The following IGF2R variants were observed in gnomAD, a reference collection of about 807,000 sequenced individuals.
IGF2R encodes the protein insulin like growth factor 2 receptor, also known as cation-independent mannose-6-phosphate receptor.
A neutral mutation model predicts 270.6 loss-of-function variants in IGF2R; 91 were observed. The observed-to-expected ratio is 0.34, with a 90% CI of 0.28 to 0.40. The LOEUF (loss-of-function observed/expected upper bound fraction) is 0.40, where lower values mean the gene tolerates loss of function less well. Among genes scored for constraint, IGF2R ranks in the 10% least tolerant of loss-of-function variants. IGF2R has a pLI of 1.00. For missense variants in IGF2R, 2,805 were observed against 3,188.3 expected (o/e 0.88, Z 2.90); for synonymous variants, 1,316 against 1,258.9 (o/e 1.05, Z -0.96).
At chr6:160,032,528 T>C (rs1777719719) in intron 7 of IGF2R, 23 bp from the exon 8 acceptor site, 2 of 1,602,758 alleles carry the variant, frequency 1.2e-6, no homozygotes, top group Admixed American at 1.7e-5. Context: ...TTTATTTTGC[T>C]TCTTTCACAT....
chr6:159,989,066 G>GTA (rs1256052082), intron 1 of IGF2R, among the ~76,000 whole-genome samples: 1 of 152,066 alleles, frequency 6.6e-6, no homozygotes, highest in Non-Finnish European at 1.5e-5. Context: ...TACCCCGAGG[G>GTA]TATCACCCTA....
intron 3 of IGF2R, 162 bp from the exon 4 acceptor site, chr6:160,010,525 G>T (rs1011473408): frequency 1.9e-6 from 1 of 525,942 alleles, no homozygotes; most frequent in Admixed American, 3.3e-5. Context: ...TTGCAGATTT[G>T]GGAACCTCTT....
intron 23 of IGF2R, among the ~76,000 whole-genome samples, chr6:160,061,077 C>G (rs778432582): frequency 6.6e-6 from 1 of 152,164 alleles, no homozygotes; most frequent in East Asian, 1.9e-4. Context: ...TAAGCTGTGC[C>G]CTGGAAGCTG....
At chr6:159,984,369 T>C (rs1783848878) in intron 1 of IGF2R, among the ~76,000 whole-genome samples, 1 of 152,002 alleles carries the variant, frequency 6.6e-6, no homozygotes, top group Non-Finnish European at 1.5e-5. Context: ...ACGAACCCAC[T>C]GCGCTACCAG....
intron 2 of IGF2R, among the ~76,000 whole-genome samples, chr6:160,002,086 G>A (rs930891955): frequency 6.6e-6 from 1 of 152,120 alleles, no homozygotes; most frequent in African/African-American, 2.4e-5. Flanking sequence ...TAAGCTAAAG[G>A]AAAGAAAATA....
chr6:160,010,844 T>C lies in IGF2R; in HGVS notation c.513+59T>C, dbSNP rs894041365. On this transcript the variant is annotated intron_variant, in intron 4 of 47. Coordinates refer to ENST00000356956, the MANE Select transcript of IGF2R (RefSeq NM_000876.4). ...AGTATACTCTGGGGAACTTTATCTT[T>C]CAAATACTGATTCTAACCTTTCCGG... 35 of 1,000,450 alleles carry C rather than the reference T, an allele frequency of 3.5e-5. No homozygotes were observed. In the African/African-American group the frequency reaches 5.5e-4, roughly 16 times the overall value. The allele number at this position is 1,000,450 out of a possible 1,614,324, so 62.0% of individuals were successfully genotyped here.
chr6:159,994,100 G>C (rs963348071), intron 2 of IGF2R, among the ~76,000 whole-genome samples: 1 of 141,612 alleles, frequency 7.1e-6, no homozygotes, highest in Admixed American at 7.5e-5. Flanking sequence ...GCTTTTTCTT[G>C]GGAGATTTTT....
intron 11 of IGF2R, among the ~76,000 whole-genome samples, chr6:160,042,578 C>G (rs780583459): frequency 1.2e-4 from 19 of 152,202 alleles, no homozygotes; most frequent in Admixed American, 8.5e-4. Context: ...TAATCAGTGT[C>G]TGATCACACT....
At position 160,102,612 on chromosome 6, in the gene IGF2R, G is replaced by A; in HGVS notation, c.6936G>A (p.Leu2312=). 2 of 1,613,436 alleles carry A rather than the reference G, an allele frequency of 1.2e-6. No homozygotes were observed. The highest frequency in any genetic ancestry group is 1.7e-6 in the Non-Finnish European group (2 of 1,179,602). ...RSQAVGAVLS[L]LLVALTCCLL... is the part of the protein sequence containing the mutation. ...AGGCAGTCGGCGCGGTGCTCAGCCT[G>A]CTGCTGGTGGCGCTCACCTGCTGCC... The change falls in exon 46 of 48, where the codon CTG becomes CTA. Residue 2312 remains leucine, a synonymous_variant. Transcript: ENST00000356956. This position sits in a 1 kb window ranked among gnomAD's most constrained non-coding sequence, Gnocchi z 4.5.
At chr6:159,973,955 T>C (rs984576929) in intron 1 of IGF2R, among the ~76,000 whole-genome samples, 1 of 152,224 alleles carries the variant, frequency 6.6e-6, no homozygotes, top group South Asian at 2.1e-4. Context: ...TTTTTCTTCC[T>C]CCTTTTCTTC....
chr6:160,064,577 C>G, intron 28 of IGF2R, 46 bp downstream of exon 28: 2 of 1,602,842 alleles, frequency 1.2e-6, no homozygotes, highest in South Asian at 2.2e-5. Flanking sequence ...TCCCCACCCT[C>G]AGGCTGCTGG....
At chr6:160,086,639 A>G (rs1779102463) in intron 41 of IGF2R, among the ~76,000 whole-genome samples, 1 of 152,120 alleles carries the variant, frequency 6.6e-6, no homozygotes, top group Non-Finnish European at 1.5e-5. Flanking sequence ...AGTTTTAAAA[A>G]TTTTCCGTAA....
chr6:160,103,767 G>T lies in IGF2R; in HGVS notation c.7017G>T (p.Leu2339=). 6.2e-7 allele frequency: 1 copy of T among 1,610,562 alleles called. No homozygotes were observed. Among genetic ancestry groups the T allele is most frequent in the Non-Finnish European group, 8.5e-7 (1 of 1,176,796 alleles). The change falls in exon 47 of 48, where the codon CTG becomes CTT. Residue 2339 remains leucine, a synonymous_variant. Coordinates refer to ENST00000356956, the MANE Select transcript of IGF2R (RefSeq NM_000876.4). ...ATAGGGAAACAGTGATAAGTAAGCTGACCACTTGCTGTAGGAGAAGTTCCA... is the reference window on the plus strand; with the variant it reads ...ATAGGGAAACAGTGATAAGTAAGCTTACCACTTGCTGTAGGAGAAGTTCCA... ...KERRETVISK[L]TTCCRRSSNV...
chr6:160,070,243 G>C lies in IGF2R; in HGVS notation c.4443+185G>C, dbSNP rs1297812869. 2.0e-5 allele frequency among the ~76,000 whole-genome samples: 3 copies of C among 152,234 alleles called. 1 individual carries two copies. The highest frequency in any genetic ancestry group is 4.4e-5 in the Non-Finnish European group (3 of 68,038). On this transcript the variant is annotated intron_variant, in intron 31 of 47. Coordinates refer to ENST00000356956, the MANE Select transcript of IGF2R (RefSeq NM_000876.4). Reference sequence around the variant, plus strand: ...CTGCAATCTGGGGAACCCTCGTGCTGTCTGGCTCCTTAGAAGCTTGCCTGG... The same window carrying C: ...CTGCAATCTGGGGAACCCTCGTGCTCTCTGGCTCCTTAGAAGCTTGCCTGG...
intron 2 of IGF2R, among the ~76,000 whole-genome samples, chr6:159,994,633 C>T (rs1162016399): frequency 2.0e-5 from 3 of 151,850 alleles, no homozygotes; most frequent in Non-Finnish European, 4.4e-5. Flanking sequence ...GGTTTTGGTC[C>T]ATTGTGTCTC....
Position 160,043,157 on chromosome 6 carries a change from A to G in IGF2R, c.1490A>G (p.Gln497Arg), listed in dbSNP as rs1217203402. The change falls in exon 12 of 48, where the codon CAG becomes CGG. Residue 497 changes from glutamine (Q) to arginine (R), a missense_variant. By Grantham distance (43) the Gln-to-Arg change is conservative. Transcript: ENST00000356956. Reference protein sequence around the residue: ...SALVRHAEPEQNWEAVDGSQT... With the variant: ...SALVRHAEPERNWEAVDGSQT... ...TTTTGTTTTGTTACAGAACCAGAGC[A>G]GAATTGGGAAGCTGTGGATGGCAGT... 6.2e-7 allele frequency: 1 copy of G among 1,614,176 alleles called. No homozygotes were observed. Among genetic ancestry groups the G allele is most frequent in the Non-Finnish European group, 8.5e-7 (1 of 1,180,004 alleles).
chr6:160,032,751 A>G (rs761940351), intron 8 of IGF2R, 38 bp downstream of exon 8: 17 of 1,605,360 alleles, frequency 1.1e-5, no homozygotes, highest in African/African-American at 2.7e-5. Context: ...GCTGCTTAGG[A>G]AGAAGGGGAT....
chr6:160,027,112 C>A lies in IGF2R; in HGVS notation c.647-73C>A, dbSNP rs990906219. The A allele has an allele frequency of 2.6e-6, 4 of 1,533,162 alleles. No homozygotes were observed. In the African/African-American group the frequency reaches 5.5e-5, roughly 21 times the overall value. 95.0% of individuals were successfully genotyped at this position (1,533,162 alleles called of 1,614,324 possible). A position where few individuals can be genotyped will look rare whatever the true frequency, so the allele number is the denominator to read the frequency against. The stretch of plus-strand genomic sequence containing the variant: ...GAATTCAATAATGTATTTAAAGGGA[C>A]CCTGGGTCTAAGGGTACGTGTGATT... On this transcript the variant is annotated intron_variant, in intron 5 of 47. Coordinates refer to ENST00000356956, the MANE Select transcript of IGF2R (RefSeq NM_000876.4).
Position 159,986,430 on chromosome 6 carries a change from GTTTTTTTTTT to G in IGF2R, c.150-4747_150-4738del, listed in dbSNP as rs5741634. 3.3e-3 allele frequency among the ~76,000 whole-genome samples: 388 copies of G among 116,880 alleles called. 2 individuals are homozygous for G. The highest frequency in any genetic ancestry group is 0.012 in the African/African-American group (380 of 31,970). The allele number at this position is 116,880 out of a possible 152,430, so 76.7% of individuals were successfully genotyped here. On this transcript the variant is annotated intron_variant, in intron 1 of 47. Transcript: ENST00000356956. Reference sequence around the variant, plus strand: ...TGTGTGTGTGTGTGTGTGTGTGTGTGTTTTTTTTTTTTTTTTAAGTAGATTCAGGGTTTCA... The same window carrying G: ...TGTGTGTGTGTGTGTGTGTGTGTGTGTTTTTTAAGTAGATTCAGGGTTTCA...
Sources: allele counts gnomAD v4.1 joint callset (sites outside exome capture counted in the v4.1 genomes callset), GRCh38; gene constraint gnomAD v4.1.1; non-coding constraint Gnocchi (gnomAD v3.1); transcripts MANE v1.5; gene names NCBI Gene and HGNC (gene_info 2026-07-23, HGNC 2026-07-21).